TMEM260: variants seen among roughly 807,000 people sequenced by gnomAD.
TMEM260 encodes the protein protein O-mannosyl-transferase TMEM260.
TMEM260 carries 82 observed loss-of-function variants against 88.9 expected under a neutral mutation model. The ratio of observed to expected loss-of-function variants is 0.92; its 90% confidence interval spans 0.77 to 1.11. The LOEUF (loss-of-function observed/expected upper bound fraction) is 1.11. Among genes scored for constraint, TMEM260 ranks in the 50% least tolerant of loss-of-function variants. The pLI is 0.00. For missense variants in TMEM260, 902 were observed against 853.4 expected, an observed-to-expected ratio of 1.06 and a Z score of -0.71; for synonymous variants, 314 against 309.3, an observed-to-expected ratio of 1.02 and a Z score of -0.16.
chr14:56,582,354 C>T (rs1286424012), intron 1 of TMEM260, among the ~76,000 whole-genome samples: 2 of 152,012 alleles, frequency 1.3e-5, no homozygotes, highest in Admixed American at 6.6e-5. Context: ...TGGTGCTTTT[C>T]GGGGAGGGGG....
chr14:56,597,847 G>A (rs1264132684), intron 3 of TMEM260, among the ~76,000 whole-genome samples: 3 of 152,166 alleles, frequency 2.0e-5, no homozygotes, highest in Non-Finnish European at 4.4e-5. Flanking sequence ...AAGAAGCTTT[G>A]ATGATCACTA....
At chr14:56,583,906 C>CGTCA (rs10679526) in intron 1 of TMEM260, among the ~76,000 whole-genome samples, 10,920 of 152,050 alleles carry the variant, frequency 0.072, 483 homozygotes, top group East Asian at 0.18. Flanking sequence ...AAAGCTTGAA[C>CGTCA]GTCATGCTGA....
intron 15 of TMEM260, among the ~76,000 whole-genome samples, chr14:56,642,138 C>T (rs1475872413): frequency 1.3e-5 from 2 of 152,184 alleles, no homozygotes; most frequent in Admixed American, 1.3e-4. Flanking sequence ...GAATTGAACT[C>T]AGCTCTGCAC....
chr14:56,653,745 A>AAAAAAACAAC (rs1555343570), downstream of TMEM260, among the ~76,000 whole-genome samples: 4 of 137,368 alleles, frequency 2.9e-5, 1 homozygote, highest in Non-Finnish European at 4.7e-5. Context: ...CCAAAACAAA[A>AAAAAAACAAC]AAAAAAAAAA....
chr14:56,651,159 G>A (rs1047176413), downstream of TMEM260, among the ~76,000 whole-genome samples: 5 of 152,128 alleles, frequency 3.3e-5, no homozygotes, highest in African/African-American at 1.2e-4. Context: ...TAAAGCTTTA[G>A]CAGTGATCAT....
chr14:56,644,724 A>C (rs372538080), intron 15 of TMEM260, among the ~76,000 whole-genome samples: 216 of 152,310 alleles, frequency 1.4e-3, no homozygotes, highest in Non-Finnish European at 2.2e-3. Context: ...CAACCTACAG[A>C]ATGGGAGAAA....
Position 56,609,304 on chromosome 14 carries a change from C to T in TMEM260, c.816+19C>T, listed in dbSNP as rs752060741. The stretch of plus-strand genomic sequence containing the variant: ...CAGCCTGGTAAATTCAGATTTAAAG[C>T]CCTTCTAAGGAAACAAGTGGCAAAA... On this transcript the variant is annotated intron_variant, in intron 6 of 15. Coordinates refer to ENST00000261556, the MANE Select transcript of TMEM260 (RefSeq NM_017799.4). The T allele has an allele frequency of 1.2e-6, 2 of 1,610,140 alleles. No homozygotes were observed. Among genetic ancestry groups the T allele is most frequent in the Middle Eastern group, 1.7e-4 (1 of 6,030 alleles).
chr14:56,601,147 AT>A (rs1416507837), intron 3 of TMEM260, among the ~76,000 whole-genome samples: 1 of 152,186 alleles, frequency 6.6e-6, no homozygotes, highest in African/African-American at 2.4e-5. Context: ...ACATTCTTCA[AT>A]TTTTAAAACC....
rs756965904 is a variant in TMEM260 at position 56,617,317 on chromosome 14, A to G, written c.1056+20A>G. 12 of 1,499,844 alleles carry G rather than the reference A, an allele frequency of 8.0e-6. No individual in the cohort carries two copies. Among genetic ancestry groups the G allele is most frequent in the Admixed American group, 5.7e-5 (3 of 52,732 alleles). The allele number at this position is 1,499,844 out of a possible 1,614,324, so 92.9% of individuals were successfully genotyped here. On this transcript the variant is annotated intron_variant, in intron 9 of 15. Transcript: ENST00000261556. The stretch of plus-strand genomic sequence containing the variant: ...GGTGTGGTAAGTTTTACTTAGATAT[A>G]TCCTTTGACCAGAAAGTTTGTGAAG...
intron 10 of TMEM260, chr14:56,619,382 A>C (rs1216654060): frequency 2.0e-5 from 3 of 152,256 alleles, no homozygotes; most frequent in Non-Finnish European, 4.4e-5. Context: ...TATGTTGCCT[A>C]GGCTGGTCCT....
intron 10 of TMEM260, among the ~76,000 whole-genome samples, chr14:56,620,065 T>A (rs1887821300): frequency 6.6e-6 from 1 of 152,236 alleles, no homozygotes; most frequent in African/African-American, 2.4e-5. Flanking sequence ...ATCTTCTCAC[T>A]TATAAGTGGG....
chr14:56,658,330 C>T, the TMEM260 span, among the ~76,000 whole-genome samples: 1 of 152,094 alleles, frequency 6.6e-6, no homozygotes, highest in Non-Finnish European at 1.5e-5. Flanking sequence ...TGACTGCATA[C>T]TCCACCTCCC....
At chr14:56,640,953 CA>C (rs1293458151) in intron 15 of TMEM260, among the ~76,000 whole-genome samples, 1 of 150,680 alleles carries the variant, frequency 6.6e-6, no homozygotes, top group Non-Finnish European at 1.5e-5. Context: ...AAAAGAATAA[CA>C]AGAAACAAAC....
intron 15 of TMEM260, among the ~76,000 whole-genome samples, chr14:56,637,044 G>A (rs76304427): frequency 0.011 from 1,622 of 152,306 alleles, 30 homozygotes; most frequent in African/African-American, 0.037. Context: ...CTTGAACTTT[G>A]CAGATGGAGG....
At chr14:56,636,484 G>A in intron 14 of TMEM260, 24 bp from the exon 15 acceptor site, 2 of 1,603,474 alleles carry the variant, frequency 1.2e-6, no homozygotes, top group Non-Finnish European at 1.7e-6. Context: ...TGATTTTAAT[G>A]AAGGTTCCTA....
At chr14:56,644,668 T>A (rs4359345) in intron 15 of TMEM260, among the ~76,000 whole-genome samples, 3,585 of 151,988 alleles carry the variant, frequency 0.024, 95 homozygotes, top group East Asian at 0.099. Flanking sequence ...TAATTAAACT[T>A]AAGAGCTTCT....
downstream of TMEM260, among the ~76,000 whole-genome samples, chr14:56,654,017 A>G (rs530770760): frequency 6.6e-6 from 1 of 152,312 alleles, no homozygotes; most frequent in East Asian, 1.9e-4. Context: ...TAATGCAGCC[A>G]TTTTAAAATT....
the TMEM260 span, among the ~76,000 whole-genome samples, chr14:56,655,828 C>T: frequency 8.5e-5 from 13 of 152,184 alleles, no homozygotes; most frequent in African/African-American, 2.9e-4. Context: ...CACCTTAACA[C>T]CTTCATCTCA....
chr14:56,610,463 C>G (rs1177370776), intron 6 of TMEM260, among the ~76,000 whole-genome samples: 1 of 152,036 alleles, frequency 6.6e-6, no homozygotes, highest in Non-Finnish European at 1.5e-5. Flanking sequence ...AGGATGGTCT[C>G]GATCTCCTGA....
Sources: gnomAD v4.1 joint callset for allele counts (sites outside exome capture counted in the v4.1 genomes callset) on GRCh38, gnomAD v4.1.1 for gene constraint, MANE v1.5 for transcripts, NCBI Gene and HGNC (gene_info 2026-07-23, HGNC 2026-07-21) for gene names.